The following RNF20 variants were observed in gnomAD, a reference collection of about 807,000 sequenced individuals.
RNF20 encodes ring finger protein 20.
Under a neutral mutation model 126.2 loss-of-function variants are expected in RNF20, and 84 were observed. The ratio of observed to expected loss-of-function variants is 0.67; its 90% CI spans 0.56 to 0.80. The LOEUF is 0.80. Ranked by LOEUF, RNF20 falls within the 30% of genes least tolerant of loss-of-function variation. The pLI is 0.00. For missense variants in RNF20, 869 were observed against 1,188.2 expected, an observed-to-expected ratio of 0.73 and a Z score of 3.95; for synonymous variants, 400 against 414.3, an observed-to-expected ratio of 0.97 and a Z score of 0.42.
intron 2 of RNF20, among the ~76,000 whole-genome samples, chr9:101,539,444 A>G (rs1827227385): frequency 6.6e-6 from 1 of 152,166 alleles, no homozygotes; most frequent in African/African-American, 2.4e-5. Flanking sequence ...GAAGGAATGT[A>G]CTATATAGCA....
chr9:101,540,769 CT>C (rs1432283953), intron 4 of RNF20, 23 bp from the exon 5 acceptor site: 10 of 1,593,602 alleles, frequency 6.3e-6, no homozygotes, highest in African/African-American at 4.1e-5. Flanking sequence ...TGGGGGGCTT[CT>C]TTTTTTCCCC....
At chr9:101,554,133 T>C (rs775730697) in intron 14 of RNF20, 28 bp downstream of exon 14, 2 of 1,263,446 alleles carry the variant, frequency 1.6e-6, no homozygotes, top group Admixed American at 3.7e-5. Flanking sequence ...TACCTGTCCT[T>C]CTGGTTAAAA....
At chr9:101,535,203 G>A (rs964196633) in intron 1 of RNF20, among the ~76,000 whole-genome samples, 195 bp from the exon 2 acceptor site, 2 of 151,732 alleles carry the variant, frequency 1.3e-5, no homozygotes, top group Admixed American at 1.3e-4. Flanking sequence ...CACCGCGCCC[G>A]GCCCGCCTTG....
intron 2 of RNF20, 150 bp downstream of exon 2, chr9:101,535,702 T>G: frequency 1.3e-6 from 1 of 747,866 alleles, no homozygotes. Flanking sequence ...AATGATGTGG[T>G]AGTCAGTTCT....
At chr9:101,534,947 G>T (rs7022146) in intron 1 of RNF20, among the ~76,000 whole-genome samples, 8 of 141,174 alleles carry the variant, frequency 5.7e-5, no homozygotes, top group African/African-American at 1.9e-4. Context: ...CCGCTCTGTT[G>T]CCCAGGCTGG....
In RNF20 at chr9:101,562,723, C is replaced by T; in HGVS notation, c.*301C>T. 1 of 233,362 alleles carries T rather than the reference C, an allele frequency of 4.3e-6. No homozygotes were observed. Among genetic ancestry groups the T allele is most frequent in the Non-Finnish European group, 8.3e-6 (1 of 120,684 alleles). 14.5% of individuals were successfully genotyped at this position (233,362 alleles called of 1,614,324 possible). ...TTCAGTGTTTTCTTTTTCCAGCCCA[C>T]TGTATAAACTTGGATTGTCCATTCC... On this transcript the variant is annotated 3_prime_UTR_variant, in exon 20 of 20. Transcript: ENST00000389120.
chr9:101,545,186 G>A (rs1358664291), intron 6 of RNF20, among the ~76,000 whole-genome samples: 3 of 152,158 alleles, frequency 2.0e-5, no homozygotes, highest in Admixed American at 2.0e-4. Flanking sequence ...AAACTTGGGT[G>A]CAAATAATGC....
chr9:101,546,693 C>A, intron 6 of RNF20, 127 bp from the exon 7 acceptor site: 2 of 813,850 alleles, frequency 2.5e-6, no homozygotes, highest in Non-Finnish European at 3.9e-6. Context: ...TGTAATCATG[C>A]ATTGGGAAGA....
intron 16 of RNF20, 129 bp from the exon 17 acceptor site, chr9:101,560,672 A>G: frequency 2.4e-6 from 2 of 828,848 alleles, no homozygotes; most frequent in South Asian, 2.1e-5. Flanking sequence ...TGAAGGGTTC[A>G]TGGGCAAAAT....
chr9:101,549,085 A>T (rs923563767), intron 9 of RNF20, among the ~76,000 whole-genome samples: 1 of 152,206 alleles, frequency 6.6e-6, no homozygotes, highest in Non-Finnish European at 1.5e-5. Context: ...CGGAGACGAG[A>T]GAGTGTAGAA....
intron 1 of RNF20, among the ~76,000 whole-genome samples, chr9:101,534,549 ATTCT>A (rs200143985): frequency 0.011 from 1,603 of 152,266 alleles, 9 homozygotes; most frequent in Non-Finnish European, 0.017. Flanking sequence ...TTTGTGCCAA[ATTCT>A]TTCTATAATT....
chr9:101,555,690 G>C (rs1485919232), intron 15 of RNF20, among the ~76,000 whole-genome samples: 2 of 151,902 alleles, frequency 1.3e-5, no homozygotes, highest in African/African-American at 4.8e-5. Flanking sequence ...GGTGGCTCAT[G>C]CCTGTAATCC....
chr9:101,540,343 A>G lies in RNF20; in HGVS notation c.270A>G (p.Leu90=), dbSNP rs16920477. 114,783 of 1,614,092 alleles carry G rather than the reference A, an allele frequency of 0.071. 4,402 individuals carry two copies. The highest frequency in any genetic ancestry group is 0.11 in the Admixed American group (6,848 of 60,028). ...GACAGGCCACTGATGATGCCTCACT[A>G]TTGATTGTCAACCGATACTGGAGTC... ...ERRQATDDAS[L]LIVNRYWSQF... The change falls in exon 3 of 20, where the codon CTA becomes CTG. Residue 90 remains leucine (L), a synonymous_variant. Transcript: ENST00000389120.
At chr9:101,548,142 GGT>G (rs971124629) in intron 9 of RNF20, among the ~76,000 whole-genome samples, 15 of 152,062 alleles carry the variant, frequency 9.9e-5, no homozygotes, top group African/African-American at 3.6e-4. Context: ...AAAGAAATGT[GGT>G]GTGTGTTTGT....
intron 17 of RNF20, 25 bp downstream of exon 17, chr9:101,560,951 G>T (rs368904161): frequency 2.5e-6 from 4 of 1,605,624 alleles, no homozygotes; most frequent in Non-Finnish European, 2.5e-6. Context: ...TCTAATGATG[G>T]TTAGTCTCAG....
chr9:101,546,204 T>C (rs1348515128), intron 6 of RNF20, among the ~76,000 whole-genome samples: 3 of 152,172 alleles, frequency 2.0e-5, no homozygotes, highest in African/African-American at 7.2e-5. Flanking sequence ...ACAAAGGGTA[T>C]ATATAGATTA....
chr9:101,536,985 T>C (rs1235451368), intron 2 of RNF20, among the ~76,000 whole-genome samples: 1 of 152,188 alleles, frequency 6.6e-6, no homozygotes, highest in African/African-American at 2.4e-5. Context: ...TATCCACTGA[T>C]CCCCGCTCCA....
In RNF20 at chr9:101,557,555, A is replaced by G. The variant is rs377167089; in HGVS notation, c.2341A>G (p.Lys781Glu). 5 of 1,613,852 alleles carry G rather than the reference A, an allele frequency of 3.1e-6. No homozygotes were observed. Among genetic ancestry groups the G allele is most frequent in the South Asian group, 1.1e-5 (1 of 91,080 alleles). Residue 781 changes from lysine (K) to glutamate (E), a missense_variant, in exon 16 of 20, where the codon AAG becomes GAG. By Grantham distance (56) the Lys-to-Glu change is moderately conservative. Coordinates refer to ENST00000389120, the MANE Select transcript of RNF20 (RefSeq NM_019592.7). Reference sequence around the variant, plus strand: ...GATCCATAAGTTGCTTAAAGAAGAGAAGGAGGAGCTGGCAGACCAGGTGTT... The same window carrying G: ...GATCCATAAGTTGCTTAAAGAAGAGGAGGAGGAGCTGGCAGACCAGGTGTT... ...NQIHKLLKEE[K>E]EELADQVLTL...
chr9:101,560,872 AG>A lies in RNF20; in HGVS notation c.2458del (p.Glu820ArgfsTer11). ...EHLLQSNIGT[G>X]EKELGLRTQA... The stretch of plus-strand genomic sequence containing the variant: ...ATCTGTTACAGAGCAACATTGGCAC[AG>A]GGGAGAAAGAGCTGGGTCTTAGGAC... On this transcript the variant is annotated frameshift_variant, in exon 17 of 20. Transcript: ENST00000389120. LOFTEE classifies it high-confidence loss of function. 6.2e-7 allele frequency: 1 copy of A among 1,613,716 alleles called. No homozygotes were observed. Among genetic ancestry groups the A allele is most frequent in the Non-Finnish European group, 8.5e-7 (1 of 1,179,700 alleles).
Sources: gnomAD v4.1 joint callset for allele counts (sites outside exome capture counted in the v4.1 genomes callset) on GRCh38, gnomAD v4.1.1 for gene constraint, MANE v1.5 for transcripts, NCBI Gene and HGNC (gene_info 2026-07-23, HGNC 2026-07-21) for gene names.